The following PCDHGA6 variants were observed in gnomAD, a reference collection of about 807,000 sequenced individuals.
PCDHGA6 encodes protocadherin gamma-A6.
In PCDHGA6, 41 loss-of-function variants were observed where a neutral mutation model predicts 60.6. The observed-to-expected ratio is 0.68, with a 90% CI of 0.53 to 0.88. The LOEUF (loss-of-function observed/expected upper bound fraction) is 0.88, where lower values mean the gene tolerates loss of function less well. Ranked by LOEUF, PCDHGA6 falls within the 40% of genes least tolerant of loss-of-function variation. The pLI is 0.00. For synonymous variants in PCDHGA6, 594 were observed against 524.4 expected (o/e 1.13, Z -1.81); for missense variants, 1,312 against 1,203.0 (o/e 1.09, Z -1.34).
rs1055042563 is a variant in PCDHGA6, at chr5:141,512,805, C to G, written c.*1632C>G. On this transcript the variant is annotated 3_prime_UTR_variant, in exon 4 of 4. Coordinates refer to ENST00000517434, the MANE Select transcript of PCDHGA6 (RefSeq NM_018919.3). ...TGTTGTGTTTTGTGCTGTGTCCACG[C>G]GCTAAGGCGACCCCCTCCCCCGTAC... 3.0e-4 allele frequency: 46 copies of G among 152,378 alleles called. No individual in the cohort carries two copies. Among genetic ancestry groups the G allele is most frequent in the African/African-American group, 9.9e-4 (41 of 41,570 alleles). The allele number at this position is 152,378 out of a possible 1,614,324, so 9.4% of individuals were successfully genotyped here.
rs1057108915 is a variant in PCDHGA6 at position 141,511,366 on chromosome 5, T to C, written c.*193T>C. The C allele has an allele frequency of 3.8e-6, 5 of 1,306,414 alleles. No individual in the cohort carries two copies. In the Admixed American group the frequency reaches 8.4e-5, roughly 22 times the overall value. The allele number at this position is 1,306,414 out of a possible 1,614,324, so 80.9% of individuals were successfully genotyped here. A position where few individuals can be genotyped will look rare whatever the true frequency, so the allele number is the denominator to read the frequency against. On this transcript the variant is annotated 3_prime_UTR_variant, in exon 4 of 4. Transcript: ENST00000517434. ...CCCTTCCCCCCCAGGGGGTTGAATA[T>C]GCAAAAGCAGTTCCGCTGGGAACCC...
chr5:141,398,888 A>G (rs2093720509), intron 1 of PCDHGA6: 2 of 1,613,968 alleles, frequency 1.2e-6, no homozygotes, highest in East Asian at 4.5e-5. Context: ...CTTCGGGAAA[A>G]CGTGCCACCA....
At chr5:141,413,488 C>G in intron 1 of PCDHGA6, 1 of 1,613,986 alleles carries the variant, frequency 6.2e-7, no homozygotes, top group Non-Finnish European at 8.5e-7. Context: ...TCAGAGCGCG[C>G]GGTGCGTGGT....
Position 141,406,431 on chromosome 5 carries a change from T to A in PCDHGA6, c.2424+29924T>A, listed in dbSNP as rs1316370664. 2.0e-5 allele frequency among the ~76,000 whole-genome samples: 3 copies of A among 152,352 alleles called. No individual in the cohort carries two copies. In the South Asian group the frequency reaches 6.2e-4, roughly 32 times the overall value. ...CAGCTGAAAGCCCAGATTTATTGCT[T>A]CTATTCTTCCATTTCTATGACAGGA... On this transcript the variant is annotated intron_variant, in intron 1 of 3. Coordinates refer to ENST00000517434, the MANE Select transcript of PCDHGA6 (RefSeq NM_018919.3).
At chr5:141,384,839 AGGACCAC>A in intron 1 of PCDHGA6, 1 of 1,613,462 alleles carries the variant, frequency 6.2e-7, no homozygotes, top group East Asian at 2.2e-5. Context: ...GTGGCCGTCC[AGGACCAC>A]GGTCAGCCTC....
rs994878374 is a variant in PCDHGA6, at chr5:141,491,785, C to T, written c.2425-3022C>T. ...TCCTCATAAGGGATTGAACTTGCAT[C>T]CACTCCTCTCCGGCCGGCTTGGTCG... is the stretch of plus-strand genomic sequence containing the variant. On this transcript the variant is annotated intron_variant, in intron 1 of 3. Transcript: ENST00000517434. The surrounding 1 kb of genome is among the most constrained non-coding windows in gnomAD (Gnocchi z 6.9). 20 of 1,529,458 alleles carry T rather than the reference C, an allele frequency of 1.3e-5. No individual in the cohort carries two copies. Among genetic ancestry groups the T allele is most frequent in the Non-Finnish European group, 1.8e-5 (20 of 1,139,198 alleles). The allele number at this position is 1,529,458 out of a possible 1,614,324, so 94.7% of individuals were successfully genotyped here. A position where few individuals can be genotyped will look rare whatever the true frequency, so the allele number is the denominator to read the frequency against.
At chr5:141,497,768 G>A (rs920949258) in intron 2 of PCDHGA6, among the ~76,000 whole-genome samples, 8 of 152,070 alleles carry the variant, frequency 5.3e-5, no homozygotes, top group East Asian at 1.9e-4. Flanking sequence ...CAAACTCCCC[G>A]ACCTCAACTG....
At chr5:141,504,842 A>G (rs944461166) in intron 2 of PCDHGA6, among the ~76,000 whole-genome samples, 7 of 151,968 alleles carry the variant, frequency 4.6e-5, no homozygotes, top group African/African-American at 1.7e-4. Context: ...CTAGCTCTGG[A>G]ACATTCTCTT....
At chr5:141,459,670 T>A (rs890411975) in intron 1 of PCDHGA6, among the ~76,000 whole-genome samples, 4 of 152,264 alleles carry the variant, frequency 2.6e-5, no homozygotes, top group African/African-American at 9.6e-5. Context: ...TACATTTTCA[T>A]GAGCAATGCA....
chr5:141,394,347 G>A lies in PCDHGA6; in HGVS notation c.2424+17840G>A, dbSNP rs770737407. 1.9e-6 allele frequency: 3 copies of A among 1,614,118 alleles called. No homozygotes were observed. The South Asian group carries it at 3.3e-5, about 18-fold the overall frequency. On this transcript the variant is annotated intron_variant, in intron 1 of 3. Coordinates refer to ENST00000517434, the MANE Select transcript of PCDHGA6 (RefSeq NM_018919.3). ...GTATATCTCCATCAACTCTGACACC[G>A]GTGTCCTGTATGCGCTGCAATCTTT...
chr5:141,396,570 C>T (rs996384369), intron 1 of PCDHGA6: 5 of 150,662 alleles, frequency 3.3e-5, no homozygotes, highest in African/African-American at 1.2e-4. Flanking sequence ...CAGTGAGCCT[C>T]GATCCTGTCA....
At position 141,486,778 on chromosome 5, in the gene PCDHGA6, G is replaced by A. The variant is rs750169906; in HGVS notation, c.2425-8029G>A. The A allele has an allele frequency of 1.2e-6, 2 of 1,614,104 alleles. No individual in the cohort carries two copies. Among genetic ancestry groups the A allele is most frequent in the Admixed American group, 1.7e-5 (1 of 60,006 alleles). ...AAACCCAGACACTGCAGTTTGAGGT[G>A]CAGGCCCGGGATCGGGGCAACCCAC... is the stretch of plus-strand genomic sequence containing the variant. On this transcript the variant is annotated intron_variant, in intron 1 of 3. Coordinates refer to ENST00000517434, the MANE Select transcript of PCDHGA6 (RefSeq NM_018919.3). This position sits in a 1 kb window ranked among gnomAD's most constrained non-coding sequence, Gnocchi z 5.0.
At chr5:141,409,707 C>T in intron 1 of PCDHGA6, 1 of 1,613,248 alleles carries the variant, frequency 6.2e-7, no homozygotes, top group Non-Finnish European at 8.5e-7. Flanking sequence ...CTGGCGGTGT[C>T]GTCATACGTG....
chr5:141,480,816 G>A (rs1400500941), intron 1 of PCDHGA6, among the ~76,000 whole-genome samples: 4 of 152,208 alleles, frequency 2.6e-5, no homozygotes, highest in Admixed American at 2.0e-4. Flanking sequence ...GGAGGCTGAG[G>A]TGGGTGGATC....
At chr5:141,377,750 G>A (rs532331824) in intron 1 of PCDHGA6, 1 of 152,230 alleles carries the variant, frequency 6.6e-6, no homozygotes, top group South Asian at 2.1e-4. Context: ...ACTGCAGCAG[G>A]GGACACCAGA....
rs759346998 is a variant in PCDHGA6 at position 141,410,849 on chromosome 5, C to CTTTTTTTTTT, written c.2424+34355_2424+34364dup. ...CAGACTGAAGATATTTTGTCTTTGT[C>CTTTTTTTTTT]TTTTTTTTTTTTTTTTTTTTTTGAG... On this transcript the variant is annotated intron_variant, in intron 1 of 3. Coordinates refer to ENST00000517434, the MANE Select transcript of PCDHGA6 (RefSeq NM_018919.3). 91 of 138,162 alleles carry CTTTTTTTTTT rather than the reference C, an allele frequency of 6.6e-4. 6 individuals are homozygous for CTTTTTTTTTT. The highest frequency in any genetic ancestry group is 2.3e-3 in the African/African-American group (38 of 16,624). The allele number at this position is 138,162 out of a possible 1,614,324, so 8.6% of individuals were successfully genotyped here. A position where few individuals can be genotyped will look rare whatever the true frequency, so the allele number is the denominator to read the frequency against.
intron 1 of PCDHGA6, chr5:141,384,777 G>A: frequency 1.2e-6 from 2 of 1,613,860 alleles, no homozygotes; most frequent in Non-Finnish European, 1.7e-6. Context: ...CGGGCGAGGT[G>A]CGCACGGCTC....
At chr5:141,401,626 C>G (rs1476531463) in intron 1 of PCDHGA6, among the ~76,000 whole-genome samples, 1 of 152,174 alleles carries the variant, frequency 6.6e-6, no homozygotes, top group Non-Finnish European at 1.5e-5. Flanking sequence ...TTTGTCTTAT[C>G]GTTTGGAGCT....
chr5:141,419,220 A>G (rs2096345873), intron 1 of PCDHGA6: 1 of 1,613,966 alleles, frequency 6.2e-7, no homozygotes, highest in Non-Finnish European at 8.5e-7. Context: ...GTTTTCGGAC[A>G]GTCAGCCTAC....
Sources: allele counts gnomAD v4.1 joint callset (sites outside exome capture counted in the v4.1 genomes callset), GRCh38; gene constraint gnomAD v4.1.1; non-coding constraint Gnocchi (gnomAD v3.1); transcripts MANE v1.5; gene names NCBI Gene and HGNC (gene_info 2026-07-23, HGNC 2026-07-21).